Variants in DHX35 observed in about 807,000 individuals in gnomAD.
DHX35 encodes the protein probable ATP-dependent RNA helicase DHX35.
DHX35 carries 84 observed loss-of-function variants against 99.6 expected under a neutral mutation model. The ratio of observed to expected loss-of-function variants is 0.84; its 90% CI spans 0.71 to 1.01. DHX35 has a LOEUF of 1.01. Among genes scored for constraint, DHX35 ranks in the 50% least tolerant of loss-of-function variants. The pLI is 0.00. For missense variants in DHX35, 852 were observed against 888.5 expected (o/e 0.96, Z 0.52); for synonymous variants, 331 against 316.2 (o/e 1.05, Z -0.50).
At chr20:38,997,901 GC>G (rs2086456567) in intron 8 of DHX35, among the ~76,000 whole-genome samples, 1 of 152,174 alleles carries the variant, frequency 6.6e-6, no homozygotes, top group South Asian at 2.1e-4. Flanking sequence ...CTCATCCCCT[GC>G]CCCCCAGCGG....
intron 8 of DHX35, among the ~76,000 whole-genome samples, chr20:38,998,325 A>G (rs1407090938): frequency 6.6e-6 from 1 of 152,138 alleles, no homozygotes; most frequent in Non-Finnish European, 1.5e-5. Context: ...ATTCTTAGAG[A>G]AGGAACTTAG....
chr20:38,964,922 T>C (rs2085889138), intron 1 of DHX35, among the ~76,000 whole-genome samples: 1 of 152,162 alleles, frequency 6.6e-6, no homozygotes, highest in African/African-American at 2.4e-5. Flanking sequence ...GAGGAAGATG[T>C]GGGAGAAGAT....
rs1157377521 is a variant in DHX35, at chr20:38,988,886, A to G, written c.419A>G (p.Asp140Gly). ...GTGGGCTACTGCATCCGCTTTGATG[A>G]CTGCACCGACCAGCTGGCCACGAGA... ...HEVGYCIRFD[D>G]CTDQLATRIK... The change falls in exon 5 of 22, where the codon GAC becomes GGC. Residue 140 changes from aspartate (D) to glycine (G), a missense_variant. Transcript: ENST00000252011. 1 of 1,613,628 alleles carries G rather than the reference A, an allele frequency of 6.2e-7. No homozygotes were observed. The highest frequency in any genetic ancestry group is 1.7e-5 in the Admixed American group (1 of 60,000).
intron 3 of DHX35, chr20:38,977,801 TG>T (rs1281540849): frequency 1.9e-6 from 1 of 515,572 alleles, no homozygotes; most frequent in Non-Finnish European, 3.7e-6. Context: ...CTTGTCCTTT[TG>T]ATCTTGGTGT....
chr20:38,963,288 C>T (rs1188348823), intron 1 of DHX35, among the ~76,000 whole-genome samples: 1 of 152,202 alleles, frequency 6.6e-6, no homozygotes, highest in African/African-American at 2.4e-5. Context: ...CTACCACCTG[C>T]ACCCCTGCAG....
rs545636659 is a variant in DHX35 at position 38,970,606 on chromosome 20, A to G, written c.174+1392A>G. On this transcript the variant is annotated intron_variant, in intron 2 of 21. Transcript: ENST00000252011. ...GTGTGCTGTGTGACCTCACTTCTCC[A>G]TTCTGAGCTTCTTTTCTTTATCTGT... 6.8e-4 allele frequency among the ~76,000 whole-genome samples: 104 copies of G among 152,316 alleles called. 1 individual carries two copies. The highest frequency in any genetic ancestry group is 1.2e-3 in the Non-Finnish European group (85 of 68,036).
rs3752302 is a variant in DHX35 at position 39,038,539 on chromosome 20, C to T, written c.2108C>T (p.Pro703Leu). Reference protein sequence around the residue: ...LKAKRAKVQDP With the variant: ...LKAKRAKVQDL The stretch of plus-strand genomic sequence containing the variant: ...GCCAAAAGGGCCAAGGTCCAGGACC[C>T]GTGAGAGGAGCCCACAGCTACAGCT... Residue 703 changes from proline (P) to leucine (L), a missense_variant, in exon 22 of 22, where the codon CCG becomes CTG. Transcript: ENST00000252011. 0.13 allele frequency: 211,840 copies of T among 1,611,522 alleles called. 15,050 individuals carry two copies. The highest frequency in any genetic ancestry group is 0.27 in the East Asian group (11,923 of 44,814).
At position 39,022,319 on chromosome 20, in the gene DHX35, C is replaced by T. The variant is rs112077008; in HGVS notation, c.1593+384C>T. ...GATTACAAGCGTGCTCCACCACGCC[C>T]GGCTAATTTTTGTATTTTTAGTAGA... On this transcript the variant is annotated intron_variant, in intron 16 of 21. Coordinates refer to ENST00000252011, the MANE Select transcript of DHX35 (RefSeq NM_021931.4). 2.6e-4 allele frequency among the ~76,000 whole-genome samples: 40 copies of T among 152,118 alleles called. 1 individual carries two copies. The highest frequency in any genetic ancestry group is 8.4e-4 in the African/African-American group (35 of 41,506).
Position 38,962,690 on chromosome 20 carries a change from C to G in DHX35, c.40+283C>G, listed in dbSNP as rs2085851914. 6 of 446,342 alleles carry G rather than the reference C, an allele frequency of 1.3e-5. No homozygotes were observed. In the South Asian group the frequency reaches 2.0e-4, roughly 15 times the overall value. 27.6% of individuals were successfully genotyped at this position (446,342 alleles called of 1,614,324 possible). ...GTTACTGATGCTTGTCCTGCCCACC[C>G]CGCGAGATGGGGAATCCTAAAGCTC... On this transcript the variant is annotated intron_variant, in intron 1 of 21. Transcript: ENST00000252011.
At chr20:39,010,977 C>T (rs2086694067) in intron 13 of DHX35, among the ~76,000 whole-genome samples, 1 of 152,164 alleles carries the variant, frequency 6.6e-6, no homozygotes, top group Admixed American at 6.5e-5. Context: ...GCCTGAATGC[C>T]CACCTTGTGG....
In DHX35 at chr20:39,025,351, C is replaced by G. The variant is rs368673959; in HGVS notation, c.1793C>G (p.Ser598Cys). Residue 598 changes from serine (S) to cysteine (C), a missense_variant, in exon 18 of 22, where the codon TCT (serine) becomes TGT (cysteine). Ser to Cys is a moderately radical substitution (Grantham distance 112, BLOSUM62 -1). Transcript: ENST00000252011. ...LLVKFQVPRK[S>C]SEGDPDLVLR... Reference sequence around the variant, plus strand: ...GTCAAGTTTCAAGTGCCCAGGAAGTCTAGTGAAGGTGAGAAGAAACCGTCC... The same window carrying G: ...GTCAAGTTTCAAGTGCCCAGGAAGTGTAGTGAAGGTGAGAAGAAACCGTCC... 27 of 1,613,328 alleles carry G rather than the reference C, an allele frequency of 1.7e-5. No individual in the cohort carries two copies. The highest frequency in any genetic ancestry group is 2.3e-5 in the Non-Finnish European group (27 of 1,179,644).
intron 3 of DHX35, among the ~76,000 whole-genome samples, chr20:38,974,671 A>G (rs2086050173): frequency 1.3e-5 from 2 of 152,212 alleles, no homozygotes; most frequent in African/African-American, 4.8e-5. Context: ...GGGATTGAAC[A>G]TCCTGATACA....
At chr20:38,999,683 T>C (rs2086488425) in intron 8 of DHX35, among the ~76,000 whole-genome samples, 1 of 152,214 alleles carries the variant, frequency 6.6e-6, no homozygotes, top group Non-Finnish European at 1.5e-5. Flanking sequence ...CTGGAATGCT[T>C]TGCCCAGGTT....
intron 7 of DHX35, among the ~76,000 whole-genome samples, chr20:38,994,246 G>T (rs2086388355): frequency 6.6e-6 from 1 of 151,842 alleles, no homozygotes; most frequent in African/African-American, 2.4e-5. Context: ...CTGAGTATTA[G>T]CCTTAAAAAA....
intron 8 of DHX35, among the ~76,000 whole-genome samples, chr20:38,996,779 T>A (rs2086436500): frequency 6.6e-6 from 1 of 152,116 alleles, no homozygotes; most frequent in Non-Finnish European, 1.5e-5. Context: ...AGTCTGTTGT[T>A]TTAGGTCTGC....
intron 8 of DHX35, among the ~76,000 whole-genome samples, chr20:38,997,980 G>A (rs771784378): frequency 2.0e-5 from 3 of 152,210 alleles, no homozygotes; most frequent in Non-Finnish European, 2.9e-5. Flanking sequence ...GCCACCTGCC[G>A]TGGTTTCTCT....
intron 15 of DHX35, among the ~76,000 whole-genome samples, chr20:39,019,180 C>T (rs1014370091): frequency 2.6e-5 from 4 of 152,138 alleles, no homozygotes; most frequent in African/African-American, 9.7e-5. Context: ...CTTATTCTCT[C>T]CTCTGCCCCG....
chr20:39,028,523 A>G, intron 19 of DHX35, 24 bp downstream of exon 19: 1 of 1,611,746 alleles, frequency 6.2e-7, no homozygotes, highest in Non-Finnish European at 8.5e-7. Context: ...TGGTGAAGTC[A>G]TTTGTTAAAG....
intron 19 of DHX35, 96 bp from the exon 20 acceptor site, chr20:39,030,608 C>G (rs2087032464): frequency 4.3e-6 from 5 of 1,171,248 alleles, no homozygotes; most frequent in Non-Finnish European, 6.3e-6. Flanking sequence ...CGAGTTCAGT[C>G]TGCATGCTTT....
Sources: gnomAD v4.1 joint callset for allele counts (sites outside exome capture counted in the v4.1 genomes callset) on GRCh38, gnomAD v4.1.1 for gene constraint, MANE v1.5 for transcripts, NCBI Gene and HGNC (gene_info 2026-07-23, HGNC 2026-07-21) for gene names.